MTMR8: variants seen among roughly 807,000 people sequenced by gnomAD.
MTMR8 encodes the protein myotubularin related protein 8.
Under a neutral mutation model 39.3 loss-of-function variants are expected in MTMR8, and 65 were observed. That is an observed-to-expected ratio of 1.65 (90% CI 1.35 to 2.03). MTMR8 has a LOEUF of 2.03. Ranked by LOEUF, MTMR8 falls within the 30% of genes most tolerant of loss-of-function variation. The pLI is 0.00. For synonymous variants in MTMR8, 245 were observed against 185.2 expected (o/e 1.32, Z -2.62); for missense variants, 777 against 538.9 (o/e 1.44, Z -4.37).
At chrX:64,276,897 A>G (rs993185721) in intron 12 of MTMR8, among the ~76,000 whole-genome samples, 4 of 111,547 alleles carry the variant, frequency 3.6e-5, no homozygotes, top group African/African-American at 1.3e-4. Flanking sequence ...GTCTCTTTGT[A>G]GGTCTCTAAG....
intron 1 of MTMR8, among the ~76,000 whole-genome samples, chrX:64,383,021 AAAC>A (rs988520589): frequency 1.9e-4 from 21 of 111,426 alleles, no homozygotes; most frequent in African/African-American, 5.9e-4. Flanking sequence ...TTAAATACAG[AAAC>A]AACAACAACA....
chrX:64,312,630 G>A (rs1443897111), intron 12 of MTMR8, among the ~76,000 whole-genome samples: 3 of 112,685 alleles, frequency 2.7e-5, no homozygotes, highest in African/African-American at 9.7e-5. Flanking sequence ...CTAGAATAGT[G>A]AATTGTTCCC....
chrX:64,358,742 T>A (rs1327780448), intron 2 of MTMR8, among the ~76,000 whole-genome samples: 2 of 110,608 alleles, frequency 1.8e-5, no homozygotes, highest in African/African-American at 6.6e-5. Flanking sequence ...TAAATTATGA[T>A]CTTTAGGATG....
intron 5 of MTMR8, among the ~76,000 whole-genome samples, chrX:64,349,247 G>T (rs1259208268): frequency 9.0e-6 from 1 of 111,242 alleles, no homozygotes. Context: ...AAATCAGAAG[G>T]GTGGTTTGTT....
Position 64,354,938 on chromosome X carries a change from G to C in MTMR8, c.311-4C>G, listed in dbSNP as rs1447125827. 1 of 1,178,045 alleles carries C rather than the reference G, an allele frequency of 8.5e-7. No individual in the cohort carries two copies. Among genetic ancestry groups the C allele is most frequent in the East Asian group, 3.0e-5 (1 of 32,855 alleles). On this transcript the variant is annotated splice_polypyrimidine_tract_variant and splice_region_variant and intron_variant, in intron 3 of 13. Coordinates refer to ENST00000374852, the MANE Select transcript of MTMR8 (RefSeq NM_017677.4). The stretch of plus-strand genomic sequence containing the variant: ...GCATAAAGATCTTCAGGTAATGCTG[G>C]AGAAGAGAGATAGGCATGGAAAACA...
chrX:64,324,614 G>A (rs1175834471), intron 12 of MTMR8, among the ~76,000 whole-genome samples: 2 of 110,184 alleles, frequency 1.8e-5, no homozygotes, highest in Admixed American at 1.9e-4. Context: ...GAGCACAGGA[G>A]GTCAAGGCTG....
intron 12 of MTMR8, among the ~76,000 whole-genome samples, chrX:64,282,238 A>G (rs1932031968): frequency 9.0e-6 from 1 of 111,506 alleles, no homozygotes; most frequent in African/African-American, 3.3e-5. Context: ...CCAAAAGAAT[A>G]TAAATAATTA....
Position 64,304,563 on chromosome X carries a change from G to T in MTMR8, c.1481+24209C>A, listed in dbSNP as rs537783414. 3.0e-4 allele frequency among the ~76,000 whole-genome samples: 33 copies of T among 110,409 alleles called. 1 individual carries two copies. The South Asian group carries it at 0.012, about 41-fold the overall frequency. On this transcript the variant is annotated intron_variant, in intron 12 of 13. Coordinates refer to ENST00000374852, the MANE Select transcript of MTMR8 (RefSeq NM_017677.4). The stretch of plus-strand genomic sequence containing the variant: ...ATGTGGGCATCCAATTCTCTTTTAC[G>T]GTTACAAGCCTTGAAGATAATAGTA...
chrX:64,312,478 G>A (rs1407694840), intron 12 of MTMR8, among the ~76,000 whole-genome samples: 1 of 111,735 alleles, frequency 8.9e-6, no homozygotes, highest in Non-Finnish European at 1.9e-5. Context: ...TTCTGGCCAG[G>A]GCAATCAGGC....
chrX:64,273,971 G>C (rs1031921942), intron 12 of MTMR8, among the ~76,000 whole-genome samples: 2 of 111,388 alleles, frequency 1.8e-5, no homozygotes, highest in Admixed American at 1.9e-4. Flanking sequence ...AAACACTGAT[G>C]GAACTGAAGG....
At chrX:64,336,209 C>A (rs1923069691) in intron 9 of MTMR8, 81 bp from the exon 10 acceptor site, 1 of 681,121 alleles carries the variant, frequency 1.5e-6, no homozygotes, top group Admixed American at 3.2e-5. Flanking sequence ...TGTCAAAACA[C>A]TTTGCTGAAA....
At chrX:64,279,326 T>C (rs187041743) in intron 12 of MTMR8, among the ~76,000 whole-genome samples, 32 of 112,222 alleles carry the variant, frequency 2.9e-4, no homozygotes, top group African/African-American at 9.7e-4. Context: ...AAAATCTTCA[T>C]GAAAATACTA....
chrX:64,377,939 C>A (rs978405851), intron 1 of MTMR8, among the ~76,000 whole-genome samples: 1 of 111,542 alleles, frequency 9.0e-6, no homozygotes, highest in Admixed American at 9.5e-5. Context: ...TGAATTATCA[C>A]GAGATCTCAT....
chrX:64,357,379 T>C (rs1923654154), intron 2 of MTMR8, among the ~76,000 whole-genome samples: 1 of 111,582 alleles, frequency 9.0e-6, no homozygotes, highest in Admixed American at 9.5e-5. Context: ...ATATCCACCA[T>C]CTAAGAATGG....
intron 1 of MTMR8, among the ~76,000 whole-genome samples, chrX:64,366,575 T>C (rs1923964752): frequency 9.0e-6 from 1 of 111,283 alleles, no homozygotes; most frequent in Non-Finnish European, 1.9e-5. Flanking sequence ...AAACACACAA[T>C]GTAACAGAAT....
chrX:64,294,855 G>A (rs768975779), intron 12 of MTMR8, among the ~76,000 whole-genome samples: 23 of 111,638 alleles, frequency 2.1e-4, no homozygotes, highest in African/African-American at 7.5e-4. Context: ...CACATTGGGA[G>A]TTAGGATTTC....
chrX:64,345,098 A>G lies in MTMR8; in HGVS notation c.812T>C (p.Met271Thr), dbSNP rs1183578426. 4.1e-6 allele frequency: 5 copies of G among 1,211,340 alleles called. No homozygotes were observed. In the South Asian group the frequency reaches 8.8e-5, roughly 21 times the overall value. ...DNYANIRFRF[M>T]GIENIHVMRS... Reference sequence around the variant, plus strand: ...CATTACATGGATGTTCTCAATGCCCATGAATCTGAAGCGAATGTTGGCATA... The same window carrying G: ...CATTACATGGATGTTCTCAATGCCCGTGAATCTGAAGCGAATGTTGGCATA... The change falls in exon 7 of 14, where the codon ATG (methionine) becomes ACG (threonine). Residue 271 changes from methionine (M) to threonine (T), a missense_variant. Physicochemically the swap from Met to Thr is moderately conservative, Grantham distance 81 (BLOSUM62 -1). Transcript: ENST00000374852.
Position 64,354,912 on chromosome X carries a change from A to C in MTMR8, c.333T>G (p.Ala111=), listed in dbSNP as rs1226182854. 4.2e-6 allele frequency: 5 copies of C among 1,198,688 alleles called. No homozygotes were observed. The highest frequency in any genetic ancestry group is 5.6e-6 in the Non-Finnish European group (5 of 889,836). The change falls in exon 4 of 14, where the codon GCT becomes GCG. Residue 111 remains alanine (A), a synonymous_variant. Coordinates refer to ENST00000374852, the MANE Select transcript of MTMR8 (RefSeq NM_017677.4). The stretch of plus-strand genomic sequence containing the variant: ...TTGAGGATTTGGGATTATAAGAAAA[A>C]GCATAAAGATCTTCAGGTAATGCTG... ...SQPALPEDLY[A]FSYNPKSSKE...
intron 12 of MTMR8, among the ~76,000 whole-genome samples, chrX:64,290,549 A>T (rs545646508): frequency 9.0e-6 from 1 of 110,841 alleles, no homozygotes. Flanking sequence ...GATAGTCAAG[A>T]TACCAACAAT....
Sources: allele counts gnomAD v4.1 joint callset (sites outside exome capture counted in the v4.1 genomes callset), GRCh38; gene constraint gnomAD v4.1.1; transcripts MANE v1.5; gene names NCBI Gene and HGNC (gene_info 2026-07-23, HGNC 2026-07-21).